CMTM4: variants seen among roughly 807,000 people sequenced by gnomAD.
CMTM4 encodes the protein CKLF-like MARVEL transmembrane domain-containing protein 4.
Under a neutral mutation model 19.0 loss-of-function variants are expected in CMTM4, and 8 were observed. The ratio of observed to expected loss-of-function variants is 0.42; its 90% CI spans 0.25 to 0.76. CMTM4 has a LOEUF of 0.76. CMTM4 is among the 30% of genes least tolerant of loss of function. The probability of loss-of-function intolerance (pLI) is 0.27; values close to 1 mark genes in which losing one functional copy is unlikely to be tolerated. For synonymous variants in CMTM4, 106 were observed against 121.1 expected (o/e 0.88, Z 0.82); for missense variants, 228 against 290.2 (o/e 0.79, Z 1.56).
Position 66,621,965 on chromosome 16 carries a change from C to A in CMTM4, c.*93G>T. The A allele has an allele frequency of 6.8e-7, 1 of 1,474,290 alleles. No homozygotes were observed. The highest frequency in any genetic ancestry group is 9.0e-7 in the Non-Finnish European group (1 of 1,107,962). 91.3% of individuals were successfully genotyped at this position (1,474,290 alleles called of 1,614,324 possible). A position where few individuals can be genotyped will look rare whatever the true frequency, so the allele number is the denominator to read the frequency against. On this transcript the variant is annotated 3_prime_UTR_variant, in exon 4 of 4. Transcript: ENST00000394106. ...TTTTACCAAAGAGGACAAAATTCAA[C>A]TGAATCACATGGAAATCTGACAGGA... is the stretch of plus-strand genomic sequence containing the variant.
intron 1 of CMTM4, among the ~76,000 whole-genome samples, chr16:66,677,049 G>A (rs1436810229): frequency 6.6e-6 from 1 of 152,118 alleles, no homozygotes; most frequent in Non-Finnish European, 1.5e-5. Flanking sequence ...AAGAGCAGCT[G>A]AGGCAACATG....
chr16:66,603,153 T>A, the CMTM4 span, among the ~76,000 whole-genome samples: 4 of 152,196 alleles, frequency 2.6e-5, no homozygotes, highest in South Asian at 8.3e-4. Context: ...AGAGTTCTTA[T>A]GAACGGCAGT....
intron 1 of CMTM4, among the ~76,000 whole-genome samples, chr16:66,678,879 GATCAC>G (rs2016855607): frequency 6.6e-6 from 1 of 152,198 alleles, no homozygotes; most frequent in South Asian, 2.1e-4. Flanking sequence ...GGCTGAGGTG[GATCAC>G]TTGAGTCCAG....
rs1285201872 is a variant in CMTM4, at chr16:66,616,609, T to A, written c.*5449A>T. 6.6e-6 allele frequency: 1 copy of A among 152,178 alleles called. No homozygotes were observed. The highest frequency in any genetic ancestry group is 1.5e-5 in the Non-Finnish European group (1 of 68,032). The allele number at this position is 152,178 out of a possible 1,614,324, so 9.4% of individuals were successfully genotyped here. On this transcript the variant is annotated 3_prime_UTR_variant, in exon 4 of 4. Coordinates refer to ENST00000394106, the MANE Select transcript of CMTM4 (RefSeq NM_181521.3). ...TGCCAGCCCTCAGGCCGGCCAGGTC[T>A]CCCTTCAAACCCTGAGTATTTGCCT...
the CMTM4 span, among the ~76,000 whole-genome samples, chr16:66,603,718 C>A: frequency 1.9e-4 from 29 of 152,266 alleles, no homozygotes; most frequent in South Asian, 2.3e-3. Flanking sequence ...AGCTCTCCCC[C>A]GGCTGCCCAG....
rs544312957 is a variant in CMTM4, at chr16:66,616,933, C to G, written c.*5125G>C. 1.1e-5 allele frequency: 2 copies of G among 189,526 alleles called. No individual in the cohort carries two copies. The highest frequency in any genetic ancestry group is 4.7e-5 in the African/African-American group (2 of 42,364). The allele number at this position is 189,526 out of a possible 1,614,324, so 11.7% of individuals were successfully genotyped here. The stretch of plus-strand genomic sequence containing the variant: ...TTTTAGACTATGATCAAATCTCACA[C>G]AAACCATTATCAGAATCTTGTTTCA... On this transcript the variant is annotated 3_prime_UTR_variant, in exon 4 of 4. Transcript: ENST00000394106.
chr16:66,609,653 G>C, the CMTM4 span: 66 of 1,523,086 alleles, frequency 4.3e-5, no homozygotes, highest in Non-Finnish European at 5.6e-5. This position sits in a 1 kb window ranked among gnomAD's most constrained non-coding sequence, Gnocchi z 4.4. Flanking sequence ...GGGTCCCGAT[G>C]ATGATTCCAA....
chr16:66,644,398 T>C (rs909455662), intron 1 of CMTM4, among the ~76,000 whole-genome samples: 1 of 152,246 alleles, frequency 6.6e-6, no homozygotes, highest in African/African-American at 2.4e-5. Context: ...TCAGAATTAC[T>C]GATCATACTG....
chr16:66,687,366 TG>T (rs1429233205), intron 1 of CMTM4, among the ~76,000 whole-genome samples: 1 of 152,130 alleles, frequency 6.6e-6, no homozygotes, highest in African/African-American at 2.4e-5. Context: ...GGTACTTGCA[TG>T]TGGTACAAAA....
At chr16:66,602,641 G>T in the CMTM4 span, among the ~76,000 whole-genome samples, 1 of 152,054 alleles carries the variant, frequency 6.6e-6, no homozygotes, top group Non-Finnish European at 1.5e-5. Flanking sequence ...CTGCCTTCTG[G>T]GTTCAAGTGA....
chr16:66,620,756 T>G lies in CMTM4; in HGVS notation c.*1302A>C. 1 of 985,812 alleles carries G rather than the reference T, an allele frequency of 1.0e-6. No homozygotes were observed. Among genetic ancestry groups the G allele is most frequent in the African/African-American group, 1.7e-5 (1 of 57,346 alleles). The allele number at this position is 985,812 out of a possible 1,614,324, so 61.1% of individuals were successfully genotyped here. On this transcript the variant is annotated 3_prime_UTR_variant, in exon 4 of 4. Transcript: ENST00000394106. ...GAGCTAAAGTGAGGTTTGTAAACAT[T>G]AAAAACAGTTCAAAGAGGGAAAACC...
rs2015537523 is a variant in CMTM4 at position 66,616,943 on chromosome 16, T to C, written c.*5115A>G. On this transcript the variant is annotated 3_prime_UTR_variant, in exon 4 of 4. Transcript: ENST00000394106. ...TGATCAAATCTCACACAAACCATTA[T>C]CAGAATCTTGTTTCACACCATCTCT... 1 of 197,702 alleles carries C rather than the reference T, an allele frequency of 5.1e-6. No homozygotes were observed. Among genetic ancestry groups the C allele is most frequent in the Admixed American group, 5.5e-5 (1 of 18,026 alleles). 12.2% of individuals were successfully genotyped at this position (197,702 alleles called of 1,614,324 possible).
rs764892753 is a variant in CMTM4, at chr16:66,619,606, A to G, written c.*2452T>C. The G allele has an allele frequency of 3.0e-4, 298 of 985,372 alleles. No individual in the cohort carries two copies. The highest frequency in any genetic ancestry group is 3.5e-4 in the Non-Finnish European group (287 of 829,932). The allele number at this position is 985,372 out of a possible 1,614,324, so 61.0% of individuals were successfully genotyped here. A position where few individuals can be genotyped will look rare whatever the true frequency, so the allele number is the denominator to read the frequency against. On this transcript the variant is annotated 3_prime_UTR_variant, in exon 4 of 4. Coordinates refer to ENST00000394106, the MANE Select transcript of CMTM4 (RefSeq NM_181521.3). Reference sequence around the variant, plus strand: ...TTTGCATATAGAGGCAATATAAGAAAAATATAGGCGTCTTCATATTCACCT... The same window carrying G: ...TTTGCATATAGAGGCAATATAAGAAGAATATAGGCGTCTTCATATTCACCT...
At chr16:66,632,179 G>A (rs2015885246) in intron 2 of CMTM4, among the ~76,000 whole-genome samples, 1 of 152,214 alleles carries the variant, frequency 6.6e-6, no homozygotes, top group Admixed American at 6.5e-5. Context: ...AGAGAGTATG[G>A]CAGGAAGGAC....
At chr16:66,643,875 T>C (rs1459304476) in intron 1 of CMTM4, among the ~76,000 whole-genome samples, 1 of 152,174 alleles carries the variant, frequency 6.6e-6, no homozygotes, top group Non-Finnish European at 1.5e-5. Flanking sequence ...TGTCTCAGCC[T>C]CCCAAGTAGC....
At chr16:66,678,555 C>T (rs2016849021) in intron 1 of CMTM4, among the ~76,000 whole-genome samples, 1 of 152,170 alleles carries the variant, frequency 6.6e-6, no homozygotes, top group African/African-American at 2.4e-5. Context: ...CTATTTGTAA[C>T]TCTGTTAAAC....
intron 1 of CMTM4, among the ~76,000 whole-genome samples, chr16:66,641,336 A>C (rs1306059410): frequency 6.6e-6 from 1 of 152,212 alleles, no homozygotes; most frequent in Non-Finnish European, 1.5e-5. Flanking sequence ...GGCCCGCCTA[A>C]GATGTCTTGT....
intron 1 of CMTM4, among the ~76,000 whole-genome samples, chr16:66,679,811 G>A (rs928549924): frequency 6.1e-5 from 9 of 146,934 alleles, no homozygotes; most frequent in African/African-American, 2.0e-4. Flanking sequence ...GTGACAGTGC[G>A]AGACTCTATG....
rs140558613 is a variant in CMTM4 at position 66,619,895 on chromosome 16, G to A, written c.*2163C>T. The A allele has an allele frequency of 9.2e-3, 9,040 of 985,378 alleles. 86 individuals are homozygous for A. Among genetic ancestry groups the A allele is most frequent in the Admixed American group, 0.049 (797 of 16,284 alleles). 61.0% of individuals were successfully genotyped at this position (985,378 alleles called of 1,614,324 possible). A position where few individuals can be genotyped will look rare whatever the true frequency, so the allele number is the denominator to read the frequency against. ...TAACTCCTAAGTCACTCTCTGGCGT[G>A]TCATCCTTTTTGGTCATTCATCTGC... is the stretch of plus-strand genomic sequence containing the variant. On this transcript the variant is annotated 3_prime_UTR_variant, in exon 4 of 4. Coordinates refer to ENST00000394106, the MANE Select transcript of CMTM4 (RefSeq NM_181521.3).
Sources: allele counts gnomAD v4.1 joint callset (sites outside exome capture counted in the v4.1 genomes callset), GRCh38; gene constraint gnomAD v4.1.1; non-coding constraint Gnocchi (gnomAD v3.1); transcripts MANE v1.5; gene names NCBI Gene and HGNC (gene_info 2026-07-23, HGNC 2026-07-21).